UBE4B: variants seen among roughly 807,000 people sequenced by gnomAD.
The protein encoded by UBE4B is ubiquitination factor E4B.
Under a neutral mutation model 148.1 loss-of-function variants are expected in UBE4B, and 27 were observed. That is an observed-to-expected ratio of 0.18 (90% CI 0.13 to 0.25). UBE4B has a LOEUF of 0.25. Among genes scored for constraint, UBE4B ranks in the 10% least tolerant of loss-of-function variants. The pLI is 1.00. For missense variants in UBE4B, 1,170 were observed against 1,662.4 expected, an observed-to-expected ratio of 0.70 and a Z score of 5.15; for synonymous variants, 596 against 619.3, an observed-to-expected ratio of 0.96 and a Z score of 0.56.
chr1:10,089,722 C>T (rs1179149512), intron 2 of UBE4B, among the ~76,000 whole-genome samples: 10 of 142,770 alleles, frequency 7.0e-5, no homozygotes, highest in Non-Finnish European at 1.4e-4. Flanking sequence ...TTTTTTGAGA[C>T]GGAGTCTCAC....
chr1:10,134,934 CA>C, intron 15 of UBE4B, 53 bp from the exon 16 acceptor site: 21 of 1,546,210 alleles, frequency 1.4e-5, no homozygotes, highest in East Asian at 2.4e-5. Context: ...GACCCCATCT[CA>C]AAAAAAATTT....
At chr1:10,062,068 C>A (rs1284466772) in intron 1 of UBE4B, among the ~76,000 whole-genome samples, 3 of 151,734 alleles carry the variant, frequency 2.0e-5, no homozygotes, top group Non-Finnish European at 4.4e-5. Flanking sequence ...CACCACCACA[C>A]CCAGCTAATT....
At chr1:10,041,363 T>C (rs1374274553) in intron 1 of UBE4B, among the ~76,000 whole-genome samples, 1 of 150,688 alleles carries the variant, frequency 6.6e-6, no homozygotes, top group Non-Finnish European at 1.5e-5. Flanking sequence ...TGATGGAGTT[T>C]CGCTCTCGTC....
Position 10,032,968 on chromosome 1 carries a change from G to A in UBE4B, c.-703G>A, listed in dbSNP as rs924247200. On this transcript the variant is annotated 5_prime_UTR_variant, in exon 1 of 28. Transcript: ENST00000343090. Reference sequence around the variant, plus strand: ...CGGGGGTCACGTGATCCCTTTCAAAGATGGCCGCCCTGTTGTTTTGATGAA... The same window carrying A: ...CGGGGGTCACGTGATCCCTTTCAAAAATGGCCGCCCTGTTGTTTTGATGAA... 3.9e-5 allele frequency: 6 copies of A among 152,258 alleles called. No homozygotes were observed. Among genetic ancestry groups the A allele is most frequent in the African/African-American group, 9.6e-5 (4 of 41,460 alleles). The allele number at this position is 152,258 out of a possible 1,614,324, so 9.4% of individuals were successfully genotyped here.
intron 1 of UBE4B, among the ~76,000 whole-genome samples, chr1:10,060,619 C>T (rs1343128900): frequency 6.6e-6 from 1 of 152,104 alleles, no homozygotes; most frequent in Non-Finnish European, 1.5e-5. Flanking sequence ...AAATAAAAAC[C>T]TTTCTGGGGT....
chr1:10,049,470 C>T (rs779523673), intron 1 of UBE4B, among the ~76,000 whole-genome samples: 15 of 151,954 alleles, frequency 9.9e-5, no homozygotes, highest in African/African-American at 1.7e-4. Flanking sequence ...TGTAGCCAGA[C>T]GCAATGATGC....
At chr1:10,079,368 C>T (rs2101844673) in intron 2 of UBE4B, among the ~76,000 whole-genome samples, 1 of 152,136 alleles carries the variant, frequency 6.6e-6, no homozygotes, top group Admixed American at 6.5e-5. Context: ...CCATGTTGAC[C>T]AGGCTGGTCT....
chr1:10,179,069 C>T, intron 26 of UBE4B: 1 of 471,592 alleles, frequency 2.1e-6, no homozygotes, highest in East Asian at 3.6e-5. Flanking sequence ...GCTGCCTTTG[C>T]AAGTGGGGAT....
At chr1:10,093,594 A>G (rs1015768619) in intron 2 of UBE4B, among the ~76,000 whole-genome samples, 9 of 152,212 alleles carry the variant, frequency 5.9e-5, no homozygotes, top group African/African-American at 2.2e-4. Context: ...TGGCAAGTTT[A>G]CTGTCATAGA....
intron 10 of UBE4B, among the ~76,000 whole-genome samples, chr1:10,126,097 G>A (rs543844449): frequency 2.0e-5 from 3 of 152,202 alleles, no homozygotes; most frequent in Non-Finnish European, 4.4e-5. Context: ...TCAGGAGTTC[G>A]AAACCAGCGT....
At chr1:10,102,858 A>C (rs986916612) in intron 4 of UBE4B, 90 bp from the exon 5 acceptor site, 5 of 1,345,972 alleles carry the variant, frequency 3.7e-6, no homozygotes, top group Non-Finnish European at 3.0e-6. Flanking sequence ...ATCACTAATA[A>C]TGAATTAAAT....
intron 16 of UBE4B, 24 bp from the exon 17 acceptor site, chr1:10,137,043 A>G: frequency 6.2e-7 from 1 of 1,613,652 alleles, no homozygotes; most frequent in Non-Finnish European, 8.5e-7. Context: ...GATTTTATTT[A>G]GGGAATGATG....
intron 1 of UBE4B, among the ~76,000 whole-genome samples, chr1:10,043,181 G>C (rs1243154466): frequency 1.3e-5 from 2 of 150,814 alleles, no homozygotes; most frequent in African/African-American, 4.9e-5. Context: ...GGCTAATTTT[G>C]TATTCTTAGC....
chr1:10,119,728 T>A, intron 9 of UBE4B, 115 bp downstream of exon 9: 1 of 808,678 alleles, frequency 1.2e-6, no homozygotes. Flanking sequence ...TCCTCACCTG[T>A]AAAATGAAGG....
At chr1:10,088,235 T>C (rs1025168202) in intron 2 of UBE4B, among the ~76,000 whole-genome samples, 1 of 152,208 alleles carries the variant, frequency 6.6e-6, no homozygotes, top group Admixed American at 6.5e-5. Context: ...CTTTTGACAC[T>C]AAGGAGAGGA....
At chr1:10,078,032 C>T (rs1355225480) in intron 2 of UBE4B, among the ~76,000 whole-genome samples, 4 of 150,580 alleles carry the variant, frequency 2.7e-5, no homozygotes, top group Non-Finnish European at 4.4e-5. Flanking sequence ...TTTTTTGAGA[C>T]GGAGTCTCTC....
intron 26 of UBE4B, 60 bp downstream of exon 26, chr1:10,178,878 T>G (rs1258622145): frequency 6.6e-7 from 1 of 1,524,160 alleles, no homozygotes; most frequent in Admixed American, 2.2e-5. Flanking sequence ...ATCGATAACA[T>G]TACAAGAGGA....
At chr1:10,176,088 G>A (rs1039250946) in intron 25 of UBE4B, among the ~76,000 whole-genome samples, 5 of 152,198 alleles carry the variant, frequency 3.3e-5, no homozygotes, top group Admixed American at 2.6e-4. Context: ...TCATATAAAC[G>A]GACTTATACA....
rs60975850 is a variant in UBE4B, at chr1:10,107,576, C to CT, written c.1196+1011dup. 7.6e-3 allele frequency among the ~76,000 whole-genome samples: 976 copies of CT among 128,244 alleles called. 3 individuals carry two copies. The highest frequency in any genetic ancestry group is 0.011 in the Non-Finnish European group (671 of 61,552). The allele number at this position is 128,244 out of a possible 152,430, so 84.1% of individuals were successfully genotyped here. A position where few individuals can be genotyped will look rare whatever the true frequency, so the allele number is the denominator to read the frequency against. ...ATTTTCTTTTTTTCTTTCTTTCTTT[C>CT]TTTTTTTTTTTTTTTTTTGAGGCAG... On this transcript the variant is annotated intron_variant, in intron 7 of 27. Coordinates refer to ENST00000343090, the MANE Select transcript of UBE4B (RefSeq NM_001105562.3).
Sources: allele counts gnomAD v4.1 joint callset (sites outside exome capture counted in the v4.1 genomes callset), GRCh38; gene constraint gnomAD v4.1.1; transcripts MANE v1.5; gene names NCBI Gene and HGNC (gene_info 2026-07-23, HGNC 2026-07-21).